Variants in SRFBP1 observed in about 807,000 individuals in gnomAD.
SRFBP1 encodes the protein serum response factor-binding protein 1.
SRFBP1 carries 47 observed loss-of-function variants against 45.5 expected under a neutral mutation model. The observed-to-expected ratio is 1.03, with a 90% confidence interval of 0.82 to 1.32. SRFBP1 has a LOEUF of 1.32. Ranked by LOEUF, SRFBP1 falls within the 40% of genes most tolerant of loss-of-function variation. The pLI is 0.00. For synonymous variants in SRFBP1, 203 were observed against 166.3 expected, an observed-to-expected ratio of 1.22 and a Z score of -1.70; for missense variants, 621 against 484.6, an observed-to-expected ratio of 1.28 and a Z score of -2.64.
At chr5:122,070,035 T>G in intron 2 of SRFBP1, 1 of 1,545,388 alleles carries the variant, frequency 6.5e-7, no homozygotes, top group South Asian at 1.1e-5. Flanking sequence ...ATTACTTAGC[T>G]AAGCAAATAA....
intron 5 of SRFBP1, 94 bp downstream of exon 5, chr5:122,019,435 A>C: frequency 9.1e-6 from 9 of 984,606 alleles, no homozygotes; most frequent in Non-Finnish European, 1.4e-5. Context: ...AGGTTCTATT[A>C]TAAATATAAG....
chr5:122,024,190 G>T (rs766898323), intron 7 of SRFBP1, among the ~76,000 whole-genome samples: 5 of 152,118 alleles, frequency 3.3e-5, no homozygotes, highest in African/African-American at 4.8e-5. Flanking sequence ...ATTCTTTCCA[G>T]CCAGTTACCT....
chr5:122,076,880 TATC>T (rs1561420714), downstream of SRFBP1: 4 of 1,612,624 alleles, frequency 2.5e-6, 1 homozygote, highest in Admixed American at 3.3e-5. Context: ...GCCTCAGACA[TATC>T]AGCCCGTACC....
intron 7 of SRFBP1, 55 bp from the exon 8 acceptor site, chr5:122,026,887 C>G: frequency 9.0e-7 from 1 of 1,110,198 alleles, no homozygotes; most frequent in Non-Finnish European, 1.2e-6. Flanking sequence ...AAATTTACTT[C>G]TCCTATATGC....
At chr5:121,965,695 A>C (rs1752048357) in intron 1 of SRFBP1, among the ~76,000 whole-genome samples, 1 of 152,100 alleles carries the variant, frequency 6.6e-6, no homozygotes, top group African/African-American at 2.4e-5. Context: ...TTCCATATGA[A>C]CTTTAAAGTA....
intron 2 of SRFBP1, among the ~76,000 whole-genome samples, chr5:122,054,645 T>G (rs1287377966): frequency 6.6e-6 from 1 of 152,236 alleles, no homozygotes; most frequent in African/African-American, 2.4e-5. Flanking sequence ...GATAGTATCT[T>G]TTACTGCCTT....
At chr5:121,969,002 C>T (rs960582403) in intron 1 of SRFBP1, among the ~76,000 whole-genome samples, 14 of 152,254 alleles carry the variant, frequency 9.2e-5, no homozygotes, top group African/African-American at 3.1e-4. Flanking sequence ...CAGAGGCTAA[C>T]TGGTTGGCCA....
intron 2 of SRFBP1, among the ~76,000 whole-genome samples, chr5:122,052,700 C>T (rs935081785): frequency 2.0e-5 from 3 of 152,188 alleles, no homozygotes; most frequent in African/African-American, 7.2e-5. Context: ...ACATTCTCCT[C>T]AACCTCAATG....
In SRFBP1 at chr5:122,003,728, T is replaced by G. The variant is rs565334760; in HGVS notation, c.270+9058T>G. On this transcript the variant is annotated intron_variant, in intron 4 of 7. Transcript: ENST00000339397. Reference sequence around the variant, plus strand: ...CACATCCTCTCCATCACTTGTTATCTTTAGGCTTTTTTGTAGTAGCCATTC... The same window carrying G: ...CACATCCTCTCCATCACTTGTTATCGTTAGGCTTTTTTGTAGTAGCCATTC... Among the ~76,000 whole-genome samples, 33 of 152,324 alleles carry G rather than the reference T, an allele frequency of 2.2e-4. 1 individual carries two copies. In the South Asian group the frequency reaches 6.8e-3, roughly 32 times the overall value.
intron 2 of SRFBP1, among the ~76,000 whole-genome samples, chr5:122,054,506 C>A (rs1244596635): frequency 1.3e-5 from 2 of 152,152 alleles, no homozygotes; most frequent in African/African-American, 4.8e-5. Flanking sequence ...GTGTGGCATA[C>A]ATGAGCTGTT....
At chr5:122,005,041 T>C (rs927056624) in intron 4 of SRFBP1, among the ~76,000 whole-genome samples, 4 of 152,192 alleles carry the variant, frequency 2.6e-5, no homozygotes, top group South Asian at 2.1e-4. Context: ...TTCTTAAATG[T>C]GTTAGGCCTA....
intron 3 of SRFBP1, among the ~76,000 whole-genome samples, chr5:121,982,923 T>C (rs1020434583): frequency 6.6e-6 from 1 of 151,896 alleles, no homozygotes; most frequent in Non-Finnish European, 1.5e-5. Context: ...AAACATTTCC[T>C]AATAACTGTG....
intron 2 of SRFBP1, among the ~76,000 whole-genome samples, chr5:122,062,179 C>G (rs958764414): frequency 6.6e-5 from 10 of 151,858 alleles, no homozygotes; most frequent in African/African-American, 2.2e-4. Flanking sequence ...ATATTGGATT[C>G]TTTCTGAGTA....
intron 4 of SRFBP1, among the ~76,000 whole-genome samples, chr5:122,004,593 T>C (rs1752941287): frequency 1.3e-5 from 2 of 152,166 alleles, no homozygotes; most frequent in African/African-American, 4.8e-5. Flanking sequence ...TTTATAGTTT[T>C]ATATCTTCAA....
At chr5:121,962,311 C>T (rs534674512) in intron 1 of SRFBP1, among the ~76,000 whole-genome samples, 1 of 152,282 alleles carries the variant, frequency 6.6e-6, no homozygotes, top group East Asian at 1.9e-4. Context: ...TGGGAAGAAC[C>T]TTTAGCCTGT....
intron 4 of SRFBP1, among the ~76,000 whole-genome samples, chr5:122,007,907 A>G (rs1479399021): frequency 1.3e-5 from 2 of 152,132 alleles, no homozygotes; most frequent in Non-Finnish European, 2.9e-5. Context: ...CTGTATCCTC[A>G]GTCACAGGGC....
At chr5:122,029,450 T>C (rs959781830), downstream of SRFBP1, among the ~76,000 whole-genome samples, 1 of 152,214 alleles carries the variant, frequency 6.6e-6, no homozygotes, top group Non-Finnish European at 1.5e-5. Flanking sequence ...ATATTCTTTA[T>C]ACACCTCATG....
chr5:122,052,207 A>G (rs1441107193), intron 2 of SRFBP1, among the ~76,000 whole-genome samples: 2 of 152,124 alleles, frequency 1.3e-5, no homozygotes, highest in East Asian at 3.9e-4. Flanking sequence ...ACCTTGTAGA[A>G]TCTGATTATA....
At chr5:121,979,840 T>C (rs1299926362) in intron 3 of SRFBP1, among the ~76,000 whole-genome samples, 1 of 152,184 alleles carries the variant, frequency 6.6e-6, no homozygotes, top group Non-Finnish European at 1.5e-5. Flanking sequence ...CTTCTCCGTG[T>C]AATATCCTAA....
Sources: allele counts gnomAD v4.1 joint callset (sites outside exome capture counted in the v4.1 genomes callset), GRCh38; gene constraint gnomAD v4.1.1; transcripts MANE v1.5; gene names NCBI Gene and HGNC (gene_info 2026-07-23, HGNC 2026-07-21).